The following ZNF385D variants were observed in gnomAD, a reference collection of about 807,000 sequenced individuals.
ZNF385D encodes the protein zinc finger protein 385D, also known as zinc finger protein 659.
In ZNF385D, 15 loss-of-function variants were observed where a neutral mutation model predicts 35.8. The observed-to-expected ratio is 0.42, with a 90% CI of 0.28 to 0.64. ZNF385D has a LOEUF of 0.64. Among genes scored for constraint, ZNF385D ranks in the 30% least tolerant of loss-of-function variants. The probability of loss-of-function intolerance (pLI) is 0.23; values close to 1 mark genes in which losing one functional copy is unlikely to be tolerated. For synonymous variants in ZNF385D, 212 were observed against 186.8 expected, an observed-to-expected ratio of 1.13 and a Z score of -1.10; for missense variants, 474 against 494.6, an observed-to-expected ratio of 0.96 and a Z score of 0.39.
intron 3 of ZNF385D, among the ~76,000 whole-genome samples, chr3:22,082,345 C>T (rs1700796161): frequency 6.6e-6 from 1 of 152,128 alleles, no homozygotes; most frequent in South Asian, 2.1e-4. Context: ...GACACTTCTG[C>T]CCTAATACTG....
At position 21,879,447 on chromosome 3, in the gene ZNF385D, A is replaced by C. The variant is rs554469490; in HGVS notation, c.326-214419T>G. 4.6e-5 allele frequency among the ~76,000 whole-genome samples: 7 copies of C among 152,150 alleles called. No homozygotes were observed. The East Asian group carries it at 1.2e-3, about 25-fold the overall frequency. ...AGCATTAAGAACAGTTATGTCATCA[A>C]AACACCTAATACGAATAGCAAGACT... is the stretch of plus-strand genomic sequence containing the variant. On this transcript the variant is annotated intron_variant, in intron 3 of 5. Coordinates refer to the ZNF385D transcript ENST00000494108.
At chr3:21,875,744 G>A (rs1575819181) in intron 3 of ZNF385D, among the ~76,000 whole-genome samples, 1 of 152,090 alleles carries the variant, frequency 6.6e-6, no homozygotes, top group Non-Finnish European at 1.5e-5. Context: ...AGTAGTGGCA[G>A]CCGTGTCATT....
intron 3 of ZNF385D, among the ~76,000 whole-genome samples, chr3:22,000,495 G>A (rs1471842174): frequency 6.6e-6 from 1 of 152,066 alleles, no homozygotes; most frequent in African/African-American, 2.4e-5. Context: ...GTATCATCAA[G>A]AAATAATATG....
At chr3:22,105,236 C>T (rs779184) in intron 3 of ZNF385D, among the ~76,000 whole-genome samples, 114,803 of 151,692 alleles carry the variant, frequency 0.76, 44,572 homozygotes, top group Non-Finnish European at 0.84. Flanking sequence ...CTTTTCTCTA[C>T]TGAAAATATT....
chr3:21,426,204 G>C (rs1422046741), intron 5 of ZNF385D, among the ~76,000 whole-genome samples: 4 of 152,126 alleles, frequency 2.6e-5, no homozygotes, highest in Non-Finnish European at 5.9e-5. Flanking sequence ...ATGTATTTTA[G>C]GTTCCAAGTG....
intron 3 of ZNF385D, among the ~76,000 whole-genome samples, chr3:22,135,278 G>A (rs1576378955): frequency 6.6e-6 from 1 of 151,900 alleles, no homozygotes; most frequent in Non-Finnish European, 1.5e-5. Context: ...AGCTCAGCAA[G>A]TTCAGCAGAT....
intron 3 of ZNF385D, among the ~76,000 whole-genome samples, chr3:21,521,694 C>A (rs897222883): frequency 2.0e-5 from 3 of 152,174 alleles, no homozygotes; most frequent in African/African-American, 7.2e-5. Flanking sequence ...TTTGAGGCTG[C>A]AGTGAGCCAG....
At chr3:21,973,978 T>C (rs1703436908) in intron 3 of ZNF385D, among the ~76,000 whole-genome samples, 1 of 152,038 alleles carries the variant, frequency 6.6e-6, no homozygotes, top group African/African-American at 2.4e-5. Context: ...TATATATTTT[T>C]AAAAATGTAT....
At chr3:22,346,050 G>A (rs1176289923) in intron 2 of ZNF385D, among the ~76,000 whole-genome samples, 1 of 152,148 alleles carries the variant, frequency 6.6e-6, no homozygotes, top group African/African-American at 2.4e-5. Flanking sequence ...CTCATGGGGT[G>A]TGCTTTTCCT....
intron 2 of ZNF385D, among the ~76,000 whole-genome samples, chr3:22,230,213 A>G (rs900611967): frequency 1.2e-4 from 18 of 152,330 alleles, no homozygotes; most frequent in African/African-American, 4.3e-4. Flanking sequence ...ATTTGGGTTC[A>G]ATAAAAATTA....
intron 2 of ZNF385D, among the ~76,000 whole-genome samples, chr3:22,371,128 C>T (rs1388186010): frequency 6.6e-6 from 1 of 152,136 alleles, no homozygotes; most frequent in Non-Finnish European, 1.5e-5. Flanking sequence ...TTTGAAATGA[C>T]CCATATTTGC....
chr3:21,734,450 T>C (rs1345212469), intron 1 of ZNF385D, among the ~76,000 whole-genome samples: 1 of 152,056 alleles, frequency 6.6e-6, no homozygotes, highest in Non-Finnish European at 1.5e-5. Context: ...ATTTGTGAGA[T>C]TTATATGCTC....
chr3:21,802,944 C>T lies in ZNF385D; in HGVS notation c.326-137916G>A, dbSNP rs145633110. On this transcript the variant is annotated intron_variant, in intron 3 of 5. Coordinates refer to the ZNF385D transcript ENST00000494108. ...CAAGGAAAGATGTTGGGAAGTAGGACAAGGAATGGGGAGAAGAGAAGAACG... is the reference window on the plus strand; with the variant it reads ...CAAGGAAAGATGTTGGGAAGTAGGATAAGGAATGGGGAGAAGAGAAGAACG... Among the ~76,000 whole-genome samples, 784 of 152,186 alleles carry T rather than the reference C, an allele frequency of 5.2e-3. 6 individuals carry two copies. Among genetic ancestry groups the T allele is most frequent in the African/African-American group, 0.018 (755 of 41,522 alleles).
intron 3 of ZNF385D, among the ~76,000 whole-genome samples, chr3:21,772,518 T>C (rs2071119853): frequency 6.6e-6 from 1 of 151,638 alleles, no homozygotes. Flanking sequence ...CAAAACAAAA[T>C]GAGATATTTC....
At chr3:22,112,820 G>C (rs893808661) in intron 3 of ZNF385D, among the ~76,000 whole-genome samples, 5 of 151,374 alleles carry the variant, frequency 3.3e-5, no homozygotes, top group African/African-American at 1.2e-4. Flanking sequence ...CTCAGGGAAT[G>C]AACTGTCACC....
At chr3:22,229,620 C>G (rs1576531440) in intron 2 of ZNF385D, among the ~76,000 whole-genome samples, 1 of 152,338 alleles carries the variant, frequency 6.6e-6, no homozygotes, top group Middle Eastern at 3.4e-3. Flanking sequence ...TTGTAAGCCT[C>G]TTCCTGTATG....
At chr3:22,206,613 T>C (rs1055277133) in intron 2 of ZNF385D, among the ~76,000 whole-genome samples, 7 of 151,812 alleles carry the variant, frequency 4.6e-5, no homozygotes, top group South Asian at 2.1e-4. Context: ...TAGAAATCAA[T>C]AGCAAGCGGA....
At chr3:21,581,585 G>C (rs777394802) in intron 2 of ZNF385D, among the ~76,000 whole-genome samples, 1 of 152,084 alleles carries the variant, frequency 6.6e-6, no homozygotes, top group African/African-American at 2.4e-5. Flanking sequence ...CACCCTAGTC[G>C]ATTGTCAATC....
intron 2 of ZNF385D, among the ~76,000 whole-genome samples, chr3:22,248,251 C>G (rs771261805): frequency 6.6e-6 from 1 of 152,140 alleles, no homozygotes; most frequent in African/African-American, 2.4e-5. Context: ...CAGGTAGTGA[C>G]CACATGTCTG....
Sources: gnomAD v4.1 joint callset for allele counts (sites outside exome capture counted in the v4.1 genomes callset) on GRCh38, gnomAD v4.1.1 for gene constraint, MANE v1.5 for transcripts, NCBI Gene and HGNC (gene_info 2026-07-23, HGNC 2026-07-21) for gene names.